The following CAMK4 variants were observed in gnomAD, a reference collection of about 807,000 sequenced individuals.
The protein encoded by CAMK4 is calcium/calmodulin dependent protein kinase IV.
A neutral mutation model predicts 44.9 loss-of-function variants in CAMK4; 22 were observed. That is an observed-to-expected ratio of 0.49 (90% CI 0.35 to 0.70). The LOEUF is 0.70. Ranked by LOEUF, CAMK4 falls within the 30% of genes least tolerant of loss-of-function variation. The pLI, the probability that CAMK4 is intolerant of heterozygous loss-of-function variation, is 0.01. For missense variants in CAMK4, 498 were observed against 586.8 expected, an observed-to-expected ratio of 0.85 and a Z score of 1.56; for synonymous variants, 218 against 215.4, an observed-to-expected ratio of 1.01 and a Z score of -0.11.
intron 7 of CAMK4, among the ~76,000 whole-genome samples, chr5:111,463,763 T>C (rs1754724152): frequency 1.3e-5 from 2 of 152,134 alleles, no homozygotes; most frequent in Admixed American, 1.3e-4. Flanking sequence ...CAGTTTGCCT[T>C]TCGGGAAGCC....
chr5:111,317,474 A>G (rs1748474521), intron 1 of CAMK4, among the ~76,000 whole-genome samples: 1 of 152,186 alleles, frequency 6.6e-6, no homozygotes, highest in African/African-American at 2.4e-5. Context: ...TAGCCTGTAG[A>G]AAGTGTTTTA....
intron 4 of CAMK4, 73 bp downstream of exon 4, chr5:111,377,015 T>G (rs1751236929): frequency 2.2e-6 from 2 of 896,986 alleles, no homozygotes; most frequent in Non-Finnish European, 3.6e-6. Context: ...AAAGGACATT[T>G]CTCCTGAAAC....
intron 1 of CAMK4, among the ~76,000 whole-genome samples, chr5:111,275,781 G>A (rs184268530): frequency 2.3e-4 from 35 of 152,106 alleles, no homozygotes; most frequent in Admixed American, 1.8e-3. Context: ...GAGAAAAACT[G>A]TATTTTTTCC....
chr5:111,240,318 AAC>A (rs1353630268), intron 1 of CAMK4, among the ~76,000 whole-genome samples: 2 of 149,192 alleles, frequency 1.3e-5, no homozygotes, highest in African/African-American at 2.4e-5. Context: ...AAAAAAAAAA[AAC>A]CCATAAGTAG....
chr5:111,289,835 GCAGAAATGCTAGCTCT>G (rs1157618204), intron 1 of CAMK4, among the ~76,000 whole-genome samples: 2 of 152,200 alleles, frequency 1.3e-5, no homozygotes, highest in Non-Finnish European at 2.9e-5. Flanking sequence ...CCATTGTGTA[GCAGAAATGCTAGCTCT>G]CAGGGTTGAT....
intron 2 of CAMK4, among the ~76,000 whole-genome samples, chr5:111,358,758 T>G (rs1015233860): frequency 2.0e-5 from 3 of 151,870 alleles, no homozygotes; most frequent in Non-Finnish European, 4.4e-5. Flanking sequence ...TGGCAATATG[T>G]GTTGTTTGTG....
rs1414796703 is a variant in CAMK4, at chr5:111,443,269, TATATATATATACACACACAC to T, written c.460-3415_460-3396del. 4.5e-3 allele frequency among the ~76,000 whole-genome samples: 230 copies of T among 51,192 alleles called. 1 individual carries two copies. Among genetic ancestry groups the T allele is most frequent in the African/African-American group, 0.016 (214 of 13,474 alleles). 33.6% of individuals were successfully genotyped at this position (51,192 alleles called of 152,430 possible). On this transcript the variant is annotated intron_variant, in intron 5 of 10. Coordinates refer to ENST00000282356, the MANE Select transcript of CAMK4 (RefSeq NM_001744.6). ...ATATATATATATATATATATATATA[TATATATATATACACACACAC>T]ACACACACACACACACACACACACA...
intron 1 of CAMK4, among the ~76,000 whole-genome samples, chr5:111,248,401 C>T (rs949500738): frequency 1.3e-5 from 2 of 151,956 alleles, no homozygotes; most frequent in Admixed American, 6.6e-5. Context: ...CCAGTAAGAT[C>T]GAGCAGGTTC....
chr5:111,324,061 C>T lies in CAMK4; in HGVS notation c.162-19963C>T, dbSNP rs148538129. The stretch of plus-strand genomic sequence containing the variant: ...AAGATATATACTATAATCCTGAGGA[C>T]AACCACTAACAAAATAATAAAATAT... On this transcript the variant is annotated intron_variant, in intron 1 of 10. Transcript: ENST00000282356. Among the ~76,000 whole-genome samples the T allele has an allele frequency of 3.2e-3, 486 of 151,942 alleles. 2 individuals are homozygous for T. The highest frequency in any genetic ancestry group is 0.012 in the South Asian group (59 of 4,824).
intron 1 of CAMK4, among the ~76,000 whole-genome samples, chr5:111,274,886 T>G (rs993234423): frequency 1.3e-5 from 2 of 152,138 alleles, no homozygotes; most frequent in African/African-American, 4.8e-5. Flanking sequence ...CCACTCTTTT[T>G]TTTAAAAAAA....
chr5:111,322,213 G>A (rs150572038), intron 1 of CAMK4, among the ~76,000 whole-genome samples: 145 of 152,122 alleles, frequency 9.5e-4, no homozygotes, highest in African/African-American at 3.3e-3. Flanking sequence ...TTTTTGAGAC[G>A]AAGTAGAAAC....
rs1561507432 is a variant in CAMK4 at position 111,469,172 on chromosome 5, A to AAAAT, written c.626-4138_626-4137insAATA. Among the ~76,000 whole-genome samples, 82 of 31,960 alleles carry AAAAT rather than the reference A, an allele frequency of 2.6e-3. 1 individual carries two copies. Among genetic ancestry groups the AAAAT allele is most frequent in the Non-Finnish European group, 3.5e-3 (62 of 17,690 alleles). 21.0% of individuals were successfully genotyped at this position (31,960 alleles called of 152,430 possible). ...AAAAAAAAAAAAAAAAAAAAAAAAA[A>AAAAT]ATATATATATATATATATATATATA... On this transcript the variant is annotated intron_variant, in intron 7 of 10. Coordinates refer to ENST00000282356, the MANE Select transcript of CAMK4 (RefSeq NM_001744.6).
At chr5:111,459,617 C>T (rs1384891588) in intron 7 of CAMK4, among the ~76,000 whole-genome samples, 13 of 150,914 alleles carry the variant, frequency 8.6e-5, no homozygotes, top group Non-Finnish European at 1.9e-4. Flanking sequence ...TTGATAAAAT[C>T]GAATCTCAAG....
chr5:111,289,116 A>G (rs532618153), intron 1 of CAMK4, among the ~76,000 whole-genome samples: 1 of 152,154 alleles, frequency 6.6e-6, no homozygotes, highest in Admixed American at 6.5e-5. Context: ...GGAGGCTGAG[A>G]TGGGTGGATC....
At position 111,482,686 on chromosome 5, in the gene CAMK4, C is replaced by T. The variant is rs1755473809; in HGVS notation, c.829-99C>T. ...TTTTTCTCACATATATTTAGTGGTA[C>T]TGCTGGGAAATGGAATAAGATCTGG... On this transcript the variant is annotated intron_variant, in intron 9 of 10. Coordinates refer to ENST00000282356, the MANE Select transcript of CAMK4 (RefSeq NM_001744.6). This position sits in a 1 kb window ranked among gnomAD's most constrained non-coding sequence, Gnocchi z 4.9. 2 of 1,004,344 alleles carry T rather than the reference C, an allele frequency of 2.0e-6. No individual in the cohort carries two copies. The highest frequency in any genetic ancestry group is 3.0e-6 in the Non-Finnish European group (2 of 675,978). The allele number at this position is 1,004,344 out of a possible 1,614,324, so 62.2% of individuals were successfully genotyped here.
chr5:111,467,910 A>G (rs116675642), intron 7 of CAMK4, among the ~76,000 whole-genome samples: 3,455 of 147,218 alleles, frequency 0.023, 81 homozygotes, highest in African/African-American at 0.068. Context: ...ATGGCTATCA[A>G]TCAGTGAGTT....
At chr5:111,404,184 CAT>C (rs1156442024) in intron 5 of CAMK4, among the ~76,000 whole-genome samples, 1 of 152,176 alleles carries the variant, frequency 6.6e-6, no homozygotes, top group African/African-American at 2.4e-5. Flanking sequence ...ACAGTCTTAA[CAT>C]ATGCATATTG....
intron 1 of CAMK4, among the ~76,000 whole-genome samples, chr5:111,338,712 T>C (rs1431723430): frequency 6.6e-6 from 1 of 151,412 alleles, no homozygotes; most frequent in Non-Finnish European, 1.5e-5. Flanking sequence ...ATTTATTGAA[T>C]AGGGAGAACT....
At chr5:111,454,276 G>A (rs538017460) in intron 7 of CAMK4, among the ~76,000 whole-genome samples, 1 of 152,128 alleles carries the variant, frequency 6.6e-6, no homozygotes, top group South Asian at 2.1e-4. Flanking sequence ...TTTAATGGAA[G>A]GCTTTTCAAA....
Sources: allele counts gnomAD v4.1 joint callset (sites outside exome capture counted in the v4.1 genomes callset), GRCh38; gene constraint gnomAD v4.1.1; non-coding constraint Gnocchi (gnomAD v3.1); transcripts MANE v1.5; gene names NCBI Gene and HGNC (gene_info 2026-07-23, HGNC 2026-07-21).